Variants in ZCCHC2 observed in about 807,000 individuals in gnomAD.
ZCCHC2 encodes zinc finger CCHC-type containing 2.
A neutral mutation model predicts 103.6 loss-of-function variants in ZCCHC2; 39 were observed. The ratio of observed to expected loss-of-function variants is 0.38; its 90% CI spans 0.29 to 0.49. The LOEUF (loss-of-function observed/expected upper bound fraction) is 0.49. Ranked by LOEUF, ZCCHC2 falls within the 20% of genes least tolerant of loss-of-function variation. The pLI, the probability that ZCCHC2 is intolerant of heterozygous loss-of-function variation, is 0.96. For synonymous variants in ZCCHC2, 687 were observed against 608.9 expected, an observed-to-expected ratio of 1.13 and a Z score of -1.89; for missense variants, 1,483 against 1,491.0, an observed-to-expected ratio of 0.99 and a Z score of 0.09.
At position 62,527,134 on chromosome 18, in the gene ZCCHC2, C is replaced by CT. The variant is rs374612409; in HGVS notation, c.939+2773dup. On this transcript the variant is annotated intron_variant, in intron 1 of 13. Transcript: ENST00000269499. ...GTGTGCCAAACGACGTATTTTCAGC[C>CT]TTACTATTGGTTAACGTAAAGTTAG... Among the ~76,000 whole-genome samples the CT allele has an allele frequency of 2.0e-3, 304 of 151,458 alleles. 2 individuals are homozygous for CT. The highest frequency in any genetic ancestry group is 6.2e-3 in the African/African-American group (257 of 41,272).
intron 7 of ZCCHC2, 90 bp from the exon 8 acceptor site, chr18:62,560,497 A>C (rs1916068728): frequency 1.0e-6 from 1 of 987,594 alleles, no homozygotes; most frequent in Non-Finnish European, 1.6e-6. Context: ...ATCTGTCACC[A>C]GTGGTTATGA....
At chr18:62,542,701 TG>T in intron 3 of ZCCHC2, 127 bp downstream of exon 3, 1 of 805,964 alleles carries the variant, frequency 1.2e-6, no homozygotes, top group Non-Finnish European at 2.0e-6. Context: ...GAGAATGTAC[TG>T]TTTTTTATCA....
At chr18:62,532,112 G>C (rs1343804250) in intron 1 of ZCCHC2, among the ~76,000 whole-genome samples, 2 of 152,202 alleles carry the variant, frequency 1.3e-5, no homozygotes, top group Admixed American at 6.5e-5. Flanking sequence ...CCAGTGAAGG[G>C]GTGTGTGTGT....
intron 2 of ZCCHC2, among the ~76,000 whole-genome samples, chr18:62,540,911 A>G (rs1298244266): frequency 6.6e-6 from 1 of 152,138 alleles, no homozygotes; most frequent in Non-Finnish European, 1.5e-5. Context: ...ACAGAACTTG[A>G]AATTATCACT....
intron 1 of ZCCHC2, among the ~76,000 whole-genome samples, chr18:62,537,706 C>T (rs1392238681): frequency 6.6e-6 from 1 of 152,156 alleles, no homozygotes; most frequent in East Asian, 1.9e-4. Context: ...TGAGTTTACA[C>T]CTTGTGGCTA....
rs1441088785 is a variant in ZCCHC2, at chr18:62,523,290, C to T, written c.-135C>T. ...GCCCCCCTCGCCGGCCGAGACCCGC[C>T]CCCGGCCCCGGCCCTCCCCCGGCGG... On this transcript the variant is annotated 5_prime_UTR_variant, in exon 1 of 14. Coordinates refer to ENST00000269499, the MANE Select transcript of ZCCHC2 (RefSeq NM_017742.6). 3.5e-6 allele frequency: 3 copies of T among 863,948 alleles called. No individual in the cohort carries two copies. The highest frequency in any genetic ancestry group is 4.2e-6 in the Non-Finnish European group (3 of 719,714). 53.5% of individuals were successfully genotyped at this position (863,948 alleles called of 1,614,324 possible).
chr18:62,558,629 T>C lies in ZCCHC2; in HGVS notation c.1409-58T>C. ...CTTAGGTAAAAAAACAATTATTATA[T>C]TTGTTTTCTTTATTTTAATTTTCCT... On this transcript the variant is annotated intron_variant, in intron 6 of 13. Transcript: ENST00000269499. The C allele has an allele frequency of 4.8e-6, 5 of 1,034,180 alleles. No homozygotes were observed. In the South Asian group the frequency reaches 9.1e-5, roughly 19 times the overall value. The allele number at this position is 1,034,180 out of a possible 1,614,324, so 64.1% of individuals were successfully genotyped here.
chr18:62,561,746 C>T (rs553656468), intron 8 of ZCCHC2, among the ~76,000 whole-genome samples: 31 of 152,342 alleles, frequency 2.0e-4, no homozygotes, highest in Admixed American at 1.6e-3. Flanking sequence ...ATCGGTCTTA[C>T]TGCTGCTCTT....
In ZCCHC2 at chr18:62,524,305, G is replaced by A; in HGVS notation, c.881G>A (p.Gly294Asp). 2 of 1,548,526 alleles carry A rather than the reference G, an allele frequency of 1.3e-6. No homozygotes were observed. The highest frequency in any genetic ancestry group is 1.2e-5 in the South Asian group (1 of 83,958). ...LERLRAALRG[G>D]PEDAEVEVEP... Reference sequence around the variant, plus strand: ...AGGCTCCGCGCCGCGCTCCGCGGGGGCCCCGAGGACGCGGAGGTGGAGGTA... The same window carrying A: ...AGGCTCCGCGCCGCGCTCCGCGGGGACCCCGAGGACGCGGAGGTGGAGGTA... Residue 294 changes from glycine to aspartate, a missense_variant, in exon 1 of 14, where the codon GGC becomes GAC. Gly to Asp is a moderately conservative substitution (Grantham distance 94). Coordinates refer to ENST00000269499, the MANE Select transcript of ZCCHC2 (RefSeq NM_017742.6).
Position 62,576,676 on chromosome 18 carries a change from A to G in ZCCHC2, c.*97A>G. ...AGGTATTTTGTTTCTTTGTCTATAC[A>G]TTTCCTAGATTTCTATGCAGTTGGG... is the stretch of plus-strand genomic sequence containing the variant. On this transcript the variant is annotated 3_prime_UTR_variant, in exon 14 of 14. Coordinates refer to ENST00000269499, the MANE Select transcript of ZCCHC2 (RefSeq NM_017742.6). 4.3e-6 allele frequency: 5 copies of G among 1,151,480 alleles called. No homozygotes were observed. The highest frequency in any genetic ancestry group is 4.5e-5 in the Admixed American group (2 of 44,174). The allele number at this position is 1,151,480 out of a possible 1,614,324, so 71.3% of individuals were successfully genotyped here.
At chr18:62,562,944 G>T in intron 8 of ZCCHC2, 65 bp from the exon 9 acceptor site, 1 of 1,532,432 alleles carries the variant, frequency 6.5e-7, no homozygotes, top group Non-Finnish European at 8.9e-7. Flanking sequence ...TAACTTCTTT[G>T]TTGAAATGAA....
intron 1 of ZCCHC2, among the ~76,000 whole-genome samples, chr18:62,525,711 C>G (rs112842661): frequency 2.0e-5 from 3 of 151,932 alleles, no homozygotes; most frequent in African/African-American, 7.3e-5. Flanking sequence ...TTTTATCAAA[C>G]TCAGATGTAA....
downstream of ZCCHC2, among the ~76,000 whole-genome samples, chr18:62,580,004 T>C (rs2121911465): frequency 6.6e-6 from 1 of 152,196 alleles, no homozygotes; most frequent in South Asian, 2.1e-4. Flanking sequence ...GTGCTGAGAT[T>C]ACAGGCGTTA....
Position 62,523,453 on chromosome 18 carries a change from C to T in ZCCHC2, c.29C>T (p.Pro10Leu), listed in dbSNP as rs1428889339. 1 of 1,103,896 alleles carries T rather than the reference C, an allele frequency of 9.1e-7. No homozygotes were observed. The highest frequency in any genetic ancestry group is 1.1e-6 in the Non-Finnish European group (1 of 892,934). 68.4% of individuals were successfully genotyped at this position (1,103,896 alleles called of 1,614,324 possible). A position where few individuals can be genotyped will look rare whatever the true frequency, so the allele number is the denominator to read the frequency against. Residue 10 changes from proline (P) to leucine (L), a missense_variant, in exon 1 of 14, where the codon CCA (proline) becomes CTA (leucine). Pro to Leu is a moderately conservative substitution (Grantham distance 98). Transcript: ENST00000269499. MLRMKLPLK[P>L]THPAEPPPEA... The stretch of plus-strand genomic sequence containing the variant: ...CTGAGGATGAAGCTGCCGCTGAAGC[C>T]AACGCACCCCGCGGAGCCGCCGCCC...
intron 1 of ZCCHC2, among the ~76,000 whole-genome samples, chr18:62,533,971 TA>T (rs1170000168): frequency 9.2e-5 from 14 of 152,156 alleles, no homozygotes; most frequent in African/African-American, 3.4e-4. Context: ...AATTTGCAGT[TA>T]TATAGGATAG....
Position 62,550,563 on chromosome 18 carries a change from G to A in ZCCHC2, c.1313+103G>A, listed in dbSNP as rs550689896. ...GGGAATCATAGAGATCCTTTCTCTG[G>A]CGTACTTCTTAAAATGGACATGTTA... On this transcript the variant is annotated intron_variant, in intron 5 of 13. Transcript: ENST00000269499. 62 of 790,228 alleles carry A rather than the reference G, an allele frequency of 7.8e-5. No individual in the cohort carries two copies. In the South Asian group the frequency reaches 1.0e-3, roughly 13 times the overall value. The allele number at this position is 790,228 out of a possible 1,614,324, so 49.0% of individuals were successfully genotyped here. A position where few individuals can be genotyped will look rare whatever the true frequency, so the allele number is the denominator to read the frequency against.
chr18:62,551,394 A>G (rs1176453014), intron 5 of ZCCHC2: 1 of 152,248 alleles, frequency 6.6e-6, no homozygotes, highest in Admixed American at 6.5e-5. Flanking sequence ...AGTGTCAGGA[A>G]AGCAGGTAGT....
chr18:62,529,637 T>A (rs1431994000), intron 1 of ZCCHC2, among the ~76,000 whole-genome samples: 2 of 152,220 alleles, frequency 1.3e-5, no homozygotes, highest in Non-Finnish European at 2.9e-5. Context: ...GAAATAACTA[T>A]TAAAATCCTG....
Position 62,564,632 on chromosome 18 carries a change from A to G in ZCCHC2, c.1748A>G (p.Glu583Gly). The G allele has an allele frequency of 1.9e-6, 3 of 1,542,142 alleles. No individual in the cohort carries two copies. The highest frequency in any genetic ancestry group is 4.9e-5 in the East Asian group (2 of 40,888). ...INKKKGKPQT[E>G]KEKIKKTDNR... ...AAGAAGAAAGGAAAGCCACAAACAG[A>G]AAAGTAGGTTCAATTTAAGGAAAGA... The change falls in exon 10 of 14, where the codon GAA becomes GGA. Residue 583 changes from glutamate to glycine, a missense_variant. Physicochemically the swap from Glu to Gly is moderately conservative, Grantham distance 98 (BLOSUM62 -2). Coordinates refer to ENST00000269499, the MANE Select transcript of ZCCHC2 (RefSeq NM_017742.6).
Sources: gnomAD v4.1 joint callset for allele counts (sites outside exome capture counted in the v4.1 genomes callset) on GRCh38, gnomAD v4.1.1 for gene constraint, MANE v1.5 for transcripts, NCBI Gene and HGNC (gene_info 2026-07-23, HGNC 2026-07-21) for gene names.